The following PIP4P2 variants were observed in gnomAD, a reference collection of about 807,000 sequenced individuals.
PIP4P2 encodes the protein type 2 phosphatidylinositol 4,5-bisphosphate 4-phosphatase.
In PIP4P2, 19 loss-of-function variants were observed where a neutral mutation model predicts 33.3. The observed-to-expected ratio is 0.57, with a 90% CI of 0.40 to 0.84. The LOEUF is 0.84. Among genes scored for constraint, PIP4P2 ranks in the 40% least tolerant of loss-of-function variants. PIP4P2 has a pLI of 0.00. For missense variants in PIP4P2, 270 were observed against 324.7 expected, an observed-to-expected ratio of 0.83 and a Z score of 1.29; for synonymous variants, 110 against 111.9, an observed-to-expected ratio of 0.98 and a Z score of 0.11.
chr8:91,004,694 A>T (rs1052877693), intron 5 of PIP4P2, among the ~76,000 whole-genome samples: 1 of 152,208 alleles, frequency 6.6e-6, no homozygotes, highest in Non-Finnish European at 1.5e-5. Flanking sequence ...TAAGCCTTGG[A>T]AAGAAGAGAC....
At chr8:91,019,977 T>C (rs545594746) in intron 3 of PIP4P2, among the ~76,000 whole-genome samples, 180 bp downstream of exon 3, 5 of 152,084 alleles carry the variant, frequency 3.3e-5, no homozygotes, top group African/African-American at 9.7e-5. Context: ...ATCCTACAAA[T>C]ATCTATGACT....
At chr8:91,005,511 C>T (rs900225135) in intron 5 of PIP4P2, among the ~76,000 whole-genome samples, 19 of 152,164 alleles carry the variant, frequency 1.2e-4, no homozygotes, top group African/African-American at 4.3e-4. Context: ...TTTCAAAGCA[C>T]TTAAAACTTT....
At chr8:91,038,467 T>C (rs1018110703) in intron 1 of PIP4P2, among the ~76,000 whole-genome samples, 10 of 152,190 alleles carry the variant, frequency 6.6e-5, no homozygotes, top group African/African-American at 2.2e-4. Context: ...AAACATCTGA[T>C]CTAGTGATAG....
intron 1 of PIP4P2, among the ~76,000 whole-genome samples, chr8:91,033,208 T>C (rs1812194882): frequency 1.3e-5 from 2 of 152,228 alleles, no homozygotes; most frequent in Non-Finnish European, 1.5e-5. Flanking sequence ...ACAAACTGCC[T>C]AATTCACATT....
chr8:91,015,385 T>C (rs976049660), intron 4 of PIP4P2, among the ~76,000 whole-genome samples: 2 of 152,028 alleles, frequency 1.3e-5, no homozygotes, highest in African/African-American at 2.4e-5. Context: ...TTTTCACCTA[T>C]CCCCTGCCTG....
intron 5 of PIP4P2, among the ~76,000 whole-genome samples, chr8:91,003,489 A>G (rs1008271193): frequency 3.3e-5 from 5 of 152,214 alleles, no homozygotes; most frequent in African/African-American, 1.2e-4. Flanking sequence ...CATTAAAATA[A>G]TATATTCTTT....
chr8:91,020,607 A>G (rs1364620936), intron 2 of PIP4P2, among the ~76,000 whole-genome samples: 2 of 152,176 alleles, frequency 1.3e-5, no homozygotes, highest in South Asian at 2.1e-4. Context: ...CATCTAAACC[A>G]GTGTATGCTT....
chr8:90,994,260 A>C lies in PIP4P2; in HGVS notation c.*1417T>G, dbSNP rs1407064531. The C allele has an allele frequency of 6.6e-6, 1 of 152,146 alleles. No individual in the cohort carries two copies. The highest frequency in any genetic ancestry group is 1.5e-5 in the Non-Finnish European group (1 of 67,972). 9.4% of individuals were successfully genotyped at this position (152,146 alleles called of 1,614,324 possible). A position where few individuals can be genotyped will look rare whatever the true frequency, so the allele number is the denominator to read the frequency against. On this transcript the variant is annotated 3_prime_UTR_variant, in exon 7 of 7. Transcript: ENST00000285419. ...AAGTGACATTATTTTTAATGGAATA[A>C]AACAAGGTAATTTTTGAACAATAAT...
intron 6 of PIP4P2, 64 bp from the exon 7 acceptor site, chr8:90,995,884 C>A: frequency 6.7e-7 from 1 of 1,482,700 alleles, no homozygotes; most frequent in East Asian, 2.5e-5. Context: ...GCTTAGGGAA[C>A]TTGTATCAGC....
chr8:91,003,392 G>T (rs1348961120), intron 5 of PIP4P2, among the ~76,000 whole-genome samples: 2 of 152,136 alleles, frequency 1.3e-5, no homozygotes, highest in Admixed American at 6.6e-5. Flanking sequence ...GGACATAATT[G>T]ATAGGATATT....
At chr8:91,005,689 G>A (rs927192111) in intron 5 of PIP4P2, among the ~76,000 whole-genome samples, 1 of 152,132 alleles carries the variant, frequency 6.6e-6, no homozygotes, top group Non-Finnish European at 1.5e-5. Flanking sequence ...TAACACTTGA[G>A]AATAAGCCCA....
At chr8:91,034,950 A>G (rs537575158) in intron 1 of PIP4P2, among the ~76,000 whole-genome samples, 6 of 152,208 alleles carry the variant, frequency 3.9e-5, no homozygotes, top group Non-Finnish European at 8.8e-5. Flanking sequence ...CTAACTTTAA[A>G]CTAAGACACT....
chr8:91,040,346 A>G (rs1812286641), intron 1 of PIP4P2, among the ~76,000 whole-genome samples: 1 of 152,058 alleles, frequency 6.6e-6, no homozygotes, highest in Non-Finnish European at 1.5e-5. Flanking sequence ...AATTCATGTC[A>G]CATACTGTAG....
At chr8:91,040,591 TTTCCTTGCAAATCTAC>T in intron 1 of PIP4P2, 37 bp downstream of exon 1, 1 of 1,600,110 alleles carries the variant, frequency 6.2e-7, no homozygotes, top group Non-Finnish European at 8.6e-7. Flanking sequence ...CTTCTGGGCG[TTTCCTTGCAAATCTAC>T]TTCCTTGCAA....
chr8:91,036,225 G>A (rs985798708), intron 1 of PIP4P2, among the ~76,000 whole-genome samples: 4 of 149,834 alleles, frequency 2.7e-5, no homozygotes, highest in African/African-American at 4.9e-5. Context: ...CCTAAGAAAC[G>A]AGGACTAAGA....
chr8:91,014,560 G>C (rs1337751467), intron 4 of PIP4P2, among the ~76,000 whole-genome samples: 1 of 152,094 alleles, frequency 6.6e-6, no homozygotes, highest in Non-Finnish European at 1.5e-5. Flanking sequence ...CATAGAAGCA[G>C]AGAGTAGAAT....
At chr8:91,015,508 AAAG>A (rs1250565399) in intron 4 of PIP4P2, among the ~76,000 whole-genome samples, 1 of 152,236 alleles carries the variant, frequency 6.6e-6, no homozygotes, top group East Asian at 1.9e-4. Flanking sequence ...GATAAGGCAT[AAAG>A]AAGAAGAATA....
intron 5 of PIP4P2, among the ~76,000 whole-genome samples, chr8:91,006,078 C>T (rs1320937235): frequency 6.6e-6 from 1 of 152,150 alleles, no homozygotes; most frequent in Non-Finnish European, 1.5e-5. Context: ...AATTTACCAA[C>T]TTCTGTAACT....
chr8:91,003,453 G>A (rs1317857720), intron 5 of PIP4P2, among the ~76,000 whole-genome samples: 2 of 152,116 alleles, frequency 1.3e-5, no homozygotes, highest in African/African-American at 4.8e-5. Flanking sequence ...TTCTTGGTTG[G>A]TCAGTTGGAC....
Sources: gnomAD v4.1 joint callset for allele counts (sites outside exome capture counted in the v4.1 genomes callset) on GRCh38, gnomAD v4.1.1 for gene constraint, MANE v1.5 for transcripts, NCBI Gene and HGNC (gene_info 2026-07-23, HGNC 2026-07-21) for gene names.